Variants in ECD observed in about 807,000 individuals in gnomAD.
ECD encodes the protein protein ecdysoneless homolog.
A neutral mutation model predicts 77.2 loss-of-function variants in ECD; 59 were observed. That is an observed-to-expected ratio of 0.76 (90% CI 0.62 to 0.95). The LOEUF (loss-of-function observed/expected upper bound fraction) is 0.95. Ranked by LOEUF, ECD falls within the 40% of genes least tolerant of loss-of-function variation. ECD has a pLI of 0.00. For synonymous variants in ECD, 233 were observed against 267.4 expected, an observed-to-expected ratio of 0.87 and a Z score of 1.26; for missense variants, 704 against 763.4, an observed-to-expected ratio of 0.92 and a Z score of 0.92.
chr10:73,148,255 C>T, intron 8 of ECD, 21 bp downstream of exon 8: 1 of 1,610,600 alleles, frequency 6.2e-7, no homozygotes, highest in Non-Finnish European at 8.5e-7. Context: ...TACTTAAAAG[C>T]AAATATATTG....
At chr10:73,159,036 T>C (rs1046197912) in intron 3 of ECD, among the ~76,000 whole-genome samples, 10 of 152,222 alleles carry the variant, frequency 6.6e-5, no homozygotes, top group Non-Finnish European at 1.3e-4. Flanking sequence ...GAGTTGGTAA[T>C]TGTTGAAGCT....
At chr10:73,137,591 C>T (rs1455423998) in intron 12 of ECD, among the ~76,000 whole-genome samples, 1 of 151,846 alleles carries the variant, frequency 6.6e-6, no homozygotes, top group African/African-American at 2.4e-5. Flanking sequence ...CTGGCTAACA[C>T]GGTGAAACCC....
intron 12 of ECD, 72 bp from the exon 13 acceptor site, chr10:73,136,990 G>A (rs1437246848): frequency 3.6e-6 from 2 of 558,244 alleles, no homozygotes; most frequent in Non-Finnish European, 5.1e-6. Context: ...TTATTATTTA[G>A]TTACTACACA....
At chr10:73,163,588 A>G (rs896462939) in intron 2 of ECD, 145 bp downstream of exon 2, 13 of 716,620 alleles carry the variant, frequency 1.8e-5, no homozygotes, top group Admixed American at 3.0e-5. Flanking sequence ...AGGCTAACTG[A>G]ATATAGACAA....
At position 73,136,974 on chromosome 10, in the gene ECD, TTATTATTATTA is replaced by T. The variant is rs1298991570; in HGVS notation, c.1490-67_1490-57del. On this transcript the variant is annotated intron_variant, in intron 12 of 13. Coordinates refer to ENST00000372979, the MANE Select transcript of ECD (RefSeq NM_007265.3). ...TTAGTAATTATTATTATTATTATTA[TTATTATTATTA>T]TTTAGTTACTACACATCTCAAAATA... The T allele has an allele frequency of 5.4e-5, 51 of 937,576 alleles. 2 individuals are homozygous for T. The highest frequency in any genetic ancestry group is 2.7e-4 in the Admixed American group (6 of 22,554). 58.1% of individuals were successfully genotyped at this position (937,576 alleles called of 1,614,324 possible). A position where few individuals can be genotyped will look rare whatever the true frequency, so the allele number is the denominator to read the frequency against.
intron 9 of ECD, among the ~76,000 whole-genome samples, chr10:73,142,544 G>A (rs886118528): frequency 6.6e-6 from 1 of 150,668 alleles, no homozygotes; most frequent in African/African-American, 2.4e-5. Context: ...TGAGGCAGGG[G>A]CATCGCTTGA....
intron 5 of ECD, 21 bp downstream of exon 5, chr10:73,156,254 T>C (rs1843293961): frequency 6.5e-7 from 1 of 1,541,446 alleles, no homozygotes; most frequent in African/African-American, 1.4e-5. Context: ...TAATTAGCAA[T>C]GAAAGTGATA....
chr10:73,145,544 T>A (rs1405078307), intron 9 of ECD, among the ~76,000 whole-genome samples: 2 of 152,006 alleles, frequency 1.3e-5, no homozygotes, highest in African/African-American at 4.8e-5. Flanking sequence ...GAGCCTCTCC[T>A]GCAACATAAA....
chr10:73,157,138 C>A (rs1843307018), intron 3 of ECD, among the ~76,000 whole-genome samples: 1 of 151,608 alleles, frequency 6.6e-6, no homozygotes, highest in Non-Finnish European at 1.5e-5. Flanking sequence ...CAACCTCCAC[C>A]TCTTGTTTTC....
At position 73,146,327 on chromosome 10, in the gene ECD, C is replaced by T; in HGVS notation, c.1076G>A (p.Arg359Lys). The T allele has an allele frequency of 6.2e-7, 1 of 1,610,808 alleles. No individual in the cohort carries two copies. Among genetic ancestry groups the T allele is most frequent in the Non-Finnish European group, 8.5e-7 (1 of 1,178,036 alleles). ...LIEGSAQYRE[R>K]LEMAENYFQL... ...GAAGTAATTCTCTGCCATTTCTAGC[C>T]TTTCCCGGTACTGAGCAGAACCTTC... Residue 359 changes from arginine to lysine, a missense_variant, in exon 9 of 14, where the codon AGG becomes AAG. Around this residue, in one of 3 missense-constraint regions of ECD, gnomAD observed 559 missense variants for 583.7 expected, o/e 0.96. Coordinates refer to ENST00000372979, the MANE Select transcript of ECD (RefSeq NM_007265.3).
At chr10:73,140,041 G>A (rs1306588008) in intron 9 of ECD, among the ~76,000 whole-genome samples, 1 of 151,990 alleles carries the variant, frequency 6.6e-6, no homozygotes, top group Non-Finnish European at 1.5e-5. Context: ...CTGGTGTGCA[G>A]TGGCGCGACC....
intron 7 of ECD, 130 bp from the exon 8 acceptor site, chr10:73,148,534 T>C: frequency 7.5e-6 from 7 of 934,974 alleles, no homozygotes; most frequent in Non-Finnish European, 1.0e-5. Context: ...TTTGGACAAT[T>C]ATAACACTTT....
chr10:73,138,599 C>A (rs1330582123), intron 11 of ECD, among the ~76,000 whole-genome samples: 2 of 151,798 alleles, frequency 1.3e-5, no homozygotes, highest in Non-Finnish European at 2.9e-5. Context: ...CGGAGTCTTG[C>A]TCTGTCACCC....
At chr10:73,158,866 C>T (rs7905954) in intron 3 of ECD, among the ~76,000 whole-genome samples, 3,764 of 151,786 alleles carry the variant, frequency 0.025, 163 homozygotes, top group African/African-American at 0.087. Context: ...AGTAAGACCC[C>T]GTCTTTAAAA....
At chr10:73,165,967 T>C (rs931755459) in intron 1 of ECD, among the ~76,000 whole-genome samples, 2 of 152,146 alleles carry the variant, frequency 1.3e-5, no homozygotes, top group Non-Finnish European at 2.9e-5. Context: ...ACAAACCCTC[T>C]GCAACCCTTC....
At chr10:73,150,711 A>G (rs7901619) in intron 7 of ECD, among the ~76,000 whole-genome samples, 23,908 of 152,128 alleles carry the variant, frequency 0.16, 3,125 homozygotes, top group African/African-American at 0.33. Context: ...ACAAGTGGGC[A>G]AAGGACATGA....
At chr10:73,146,383 ATCAG>A in intron 8 of ECD, 22 bp from the exon 9 acceptor site, 1 of 1,506,278 alleles carries the variant, frequency 6.6e-7, no homozygotes, top group Non-Finnish European at 9.0e-7. Context: ...AAAAAGGTCT[ATCAG>A]AACATTACTC....
Position 73,152,403 on chromosome 10 carries a change from G to C in ECD, c.802C>G (p.Leu268Val). The C allele has an allele frequency of 6.2e-7, 1 of 1,613,396 alleles. No individual in the cohort carries two copies. The highest frequency in any genetic ancestry group is 8.5e-7 in the Non-Finnish European group (1 of 1,179,530). The part of the protein sequence containing the change: ...IMTSVTFTKC[L>V]YAQLVQQRFV... ...CTTTGTTGCACCAATTGTGCATATAGACATTTAGTGAATGTGACCTGGGCA... is the reference window on the plus strand; with the variant it reads ...CTTTGTTGCACCAATTGTGCATATACACATTTAGTGAATGTGACCTGGGCA... Residue 268 changes from leucine (L) to valine (V), a missense_variant, in exon 7 of 14, where the codon CTA becomes GTA. Coordinates refer to ENST00000372979, the MANE Select transcript of ECD (RefSeq NM_007265.3).
intron 7 of ECD, among the ~76,000 whole-genome samples, chr10:73,150,709 G>T (rs907513449): frequency 6.6e-6 from 1 of 152,138 alleles, no homozygotes; most frequent in African/African-American, 2.4e-5. Flanking sequence ...CAACAAGTGG[G>T]CAAAGGACAT....
Sources: gnomAD v4.1 joint callset for allele counts (sites outside exome capture counted in the v4.1 genomes callset) on GRCh38, gnomAD v4.1.1 for gene constraint, gnomAD v4.1.1 regional missense constraint, MANE v1.5 for transcripts, NCBI Gene and HGNC (gene_info 2026-07-23, HGNC 2026-07-21) for gene names.